Variants in ELP4 observed in about 807,000 individuals in gnomAD.
ELP4 encodes elongator complex protein 4.
ELP4 carries 51 observed loss-of-function variants against 48.9 expected under a neutral mutation model. The ratio of observed to expected loss-of-function variants is 1.04; its 90% CI spans 0.83 to 1.32. ELP4 has a LOEUF of 1.32. ELP4 is among the 40% of genes most tolerant of loss of function. The pLI, the probability that ELP4 is intolerant of heterozygous loss-of-function variation, is 0.00. For synonymous variants in ELP4, 210 were observed against 189.2 expected, an observed-to-expected ratio of 1.11 and a Z score of -0.90; for missense variants, 519 against 514.6, an observed-to-expected ratio of 1.01 and a Z score of -0.08.
At position 31,560,552 on chromosome 11, in the gene ELP4, T is replaced by G. The variant is rs537825374; in HGVS notation, c.381+20769T>G. 9.2e-5 allele frequency among the ~76,000 whole-genome samples: 14 copies of G among 151,660 alleles called. No individual in the cohort carries two copies. The South Asian group carries it at 2.9e-3, about 31-fold the overall frequency. ...TATATACCCCTATACAGTAAACATT[T>G]ACTAAAGGGCATTACTACACATGGT... On this transcript the variant is annotated intron_variant, in intron 3 of 9. Transcript: ENST00000640961.
intron 3 of ELP4, among the ~76,000 whole-genome samples, chr11:31,562,393 G>T (rs1268279067): frequency 6.6e-6 from 1 of 151,970 alleles, no homozygotes; most frequent in Non-Finnish European, 1.5e-5. Context: ...AAAAATGAAA[G>T]AAATATTATC....
At chr11:31,565,160 T>C (rs888813153) in intron 3 of ELP4, among the ~76,000 whole-genome samples, 11 of 152,310 alleles carry the variant, frequency 7.2e-5, no homozygotes, top group East Asian at 3.9e-4. Flanking sequence ...TGTCTGTTGG[T>C]TGCATAAATG....
At chr11:31,766,265 G>A (rs1216033696) in intron 9 of ELP4, among the ~76,000 whole-genome samples, 2 of 151,928 alleles carry the variant, frequency 1.3e-5, no homozygotes, top group Admixed American at 6.6e-5. Context: ...GAAATATAAC[G>A]GCAATAAGTA....
chr11:31,740,633 A>G (rs1947423363), intron 9 of ELP4, among the ~76,000 whole-genome samples: 1 of 152,170 alleles, frequency 6.6e-6, no homozygotes, highest in African/African-American at 2.4e-5. Context: ...GAATATGAGT[A>G]TTGCTTTAGT....
chr11:31,710,463 A>C (rs138148319), intron 9 of ELP4, among the ~76,000 whole-genome samples: 1 of 152,100 alleles, frequency 6.6e-6, no homozygotes, highest in Non-Finnish European at 1.5e-5. Context: ...TGTCTCCACT[A>C]AAAATACAAA....
intron 9 of ELP4, among the ~76,000 whole-genome samples, chr11:31,743,605 G>A (rs981495636): frequency 5.3e-5 from 8 of 151,866 alleles, no homozygotes; most frequent in East Asian, 3.9e-4. Flanking sequence ...ACTCAAAACC[G>A]CTCAACTACA....
Position 31,551,625 on chromosome 11 carries a change from CT to C in ELP4, c.381+11847del, listed in dbSNP as rs753753291. On this transcript the variant is annotated intron_variant, in intron 3 of 9. Coordinates refer to ENST00000640961, the MANE Select transcript of ELP4 (RefSeq NM_019040.5). Reference sequence around the variant, plus strand: ...TTTCACAATACACTTTTACCGTGAACTTTTTAAAGACTCCTTGTACCTCTGT... The same window carrying C: ...TTTCACAATACACTTTTACCGTGAACTTTTAAAGACTCCTTGTACCTCTGT... Among the ~76,000 whole-genome samples the C allele has an allele frequency of 2.8e-3, 419 of 152,142 alleles. 3 individuals are homozygous for C. Among genetic ancestry groups the C allele is most frequent in the Non-Finnish European group, 4.2e-3 (285 of 67,994 alleles).
chr11:31,655,703 A>G (rs539337251), intron 9 of ELP4, among the ~76,000 whole-genome samples: 3 of 152,018 alleles, frequency 2.0e-5, no homozygotes, highest in Non-Finnish European at 2.9e-5. Context: ...GAGTCATGCC[A>G]ATTTCCCTTT....
At chr11:31,515,941 G>A (rs987811133) in intron 1 of ELP4, among the ~76,000 whole-genome samples, 8 of 151,990 alleles carry the variant, frequency 5.3e-5, no homozygotes, top group African/African-American at 1.2e-4. Context: ...AAACCCCGTC[G>A]CTACTAAAAA....
At chr11:31,597,303 T>A (rs10835793) in intron 4 of ELP4, among the ~76,000 whole-genome samples, 97,228 of 152,022 alleles carry the variant, frequency 0.64, 33,398 homozygotes, top group Non-Finnish European at 0.76. Context: ...ATACATTTGT[T>A]TTAAAAAATA....
intron 7 of ELP4, among the ~76,000 whole-genome samples, chr11:31,636,759 G>A (rs184459254): frequency 1.3e-5 from 2 of 151,908 alleles, no homozygotes; most frequent in Admixed American, 1.3e-4. Context: ...ATTTCCTTCA[G>A]GTTGAAGATT....
At chr11:31,622,040 C>A (rs574073151) in intron 5 of ELP4, among the ~76,000 whole-genome samples, 1 of 151,770 alleles carries the variant, frequency 6.6e-6, no homozygotes, top group Non-Finnish European at 1.5e-5. Flanking sequence ...CAAGGTTATT[C>A]TATTCATCGA....
At position 31,642,386 on chromosome 11, in the gene ELP4, ATTGAGTAT is replaced by A. The variant is rs571499892; in HGVS notation, c.928-5350_928-5343del. Among the ~76,000 whole-genome samples the A allele has an allele frequency of 6.1e-3, 923 of 152,032 alleles. 9 individuals carry two copies. The highest frequency in any genetic ancestry group is 0.021 in the African/African-American group (878 of 41,530). ...ATATTTTCATATCAAAATTTAGAAT[ATTGAGTAT>A]TTGACCATGTAGAAAACACAAAAAG... On this transcript the variant is annotated intron_variant, in intron 7 of 9. Transcript: ENST00000640961.
At chr11:31,576,828 A>T (rs944739989) in intron 3 of ELP4, among the ~76,000 whole-genome samples, 3 of 152,230 alleles carry the variant, frequency 2.0e-5, no homozygotes, top group African/African-American at 7.2e-5. Flanking sequence ...AAATGCCCAA[A>T]AGAGAAAGAA....
chr11:31,697,814 C>G (rs945458649), intron 9 of ELP4, among the ~76,000 whole-genome samples: 2 of 151,746 alleles, frequency 1.3e-5, no homozygotes, highest in African/African-American at 4.8e-5. Flanking sequence ...TTTATATTAA[C>G]AAAAGCAGCT....
intron 3 of ELP4, among the ~76,000 whole-genome samples, chr11:31,558,173 G>A (rs765591497): frequency 6.6e-6 from 1 of 151,144 alleles, no homozygotes; most frequent in Non-Finnish European, 1.5e-5. Context: ...TACTGTGAGA[G>A]CTTATTTAAA....
intron 9 of ELP4, among the ~76,000 whole-genome samples, chr11:31,715,308 T>G (rs970113686): frequency 6.6e-6 from 1 of 152,170 alleles, no homozygotes; most frequent in African/African-American, 2.4e-5. Context: ...AAGCCAGAAT[T>G]AGTTGATTAC....
At chr11:31,554,645 A>G (rs970530723) in intron 3 of ELP4, among the ~76,000 whole-genome samples, 1 of 152,122 alleles carries the variant, frequency 6.6e-6, no homozygotes, top group African/African-American at 2.4e-5. Context: ...ATTATTAACT[A>G]TAGTCACTAT....
intron 9 of ELP4, among the ~76,000 whole-genome samples, chr11:31,720,584 C>G (rs1162415896): frequency 6.6e-6 from 1 of 152,066 alleles, no homozygotes; most frequent in Non-Finnish European, 1.5e-5. Flanking sequence ...AACTTTACAA[C>G]TTTTTAAGTT....
Sources: gnomAD v4.1 joint callset for allele counts (sites outside exome capture counted in the v4.1 genomes callset) on GRCh38, gnomAD v4.1.1 for gene constraint, MANE v1.5 for transcripts, NCBI Gene and HGNC (gene_info 2026-07-23, HGNC 2026-07-21) for gene names.